IDE: variants seen among roughly 807,000 people sequenced by gnomAD.
IDE encodes insulin-degrading enzyme.
IDE carries 58 observed loss-of-function variants against 133.2 expected under a neutral mutation model. The observed-to-expected ratio is 0.44, with a 90% CI of 0.35 to 0.54. The LOEUF (loss-of-function observed/expected upper bound fraction) is 0.54, where lower values mean the gene tolerates loss of function less well. IDE is among the 20% of genes least tolerant of loss of function. IDE has a pLI of 0.00. For synonymous variants in IDE, 396 were observed against 421.3 expected, an observed-to-expected ratio of 0.94 and a Z score of 0.73; for missense variants, 981 against 1,234.0, an observed-to-expected ratio of 0.79 and a Z score of 3.07.
chr10:92,510,857 TCA>T (rs910466988), intron 5 of IDE, among the ~76,000 whole-genome samples: 4 of 150,106 alleles, frequency 2.7e-5, no homozygotes, highest in African/African-American at 4.9e-5. Flanking sequence ...ATGATATATA[TCA>T]CATATATATC....
At chr10:92,488,442 T>C (rs556643038) in intron 12 of IDE, among the ~76,000 whole-genome samples, 4 of 152,196 alleles carry the variant, frequency 2.6e-5, no homozygotes, top group South Asian at 2.1e-4. Context: ...CAGATGATCA[T>C]GTGAACTTTT....
chr10:92,475,088 C>T, intron 16 of IDE, 127 bp from the exon 17 acceptor site: 2 of 688,922 alleles, frequency 2.9e-6, no homozygotes, highest in Non-Finnish European at 2.4e-6. Context: ...TTTCCCCTTT[C>T]TGAAGTTATA....
At chr10:92,549,220 G>C (rs1842671875) in intron 1 of IDE, among the ~76,000 whole-genome samples, 1 of 151,764 alleles carries the variant, frequency 6.6e-6, no homozygotes, top group African/African-American at 2.4e-5. Flanking sequence ...CTGTGCCACT[G>C]CACTCCAGCC....
At chr10:92,518,588 T>C (rs1379892679) in intron 4 of IDE, among the ~76,000 whole-genome samples, 2 of 152,164 alleles carry the variant, frequency 1.3e-5, no homozygotes, top group African/African-American at 2.4e-5. Flanking sequence ...GATATATGTA[T>C]CCAGAGAAGT....
rs1025428384 is a variant in IDE at position 92,505,729 on chromosome 10, T to C, written c.1326+713A>G. Among the ~76,000 whole-genome samples the C allele has an allele frequency of 8.5e-5, 13 of 152,148 alleles. No individual in the cohort carries two copies. The East Asian group carries it at 9.6e-4, about 11-fold the overall frequency. ...AGTGGAGACTGAAATGATAAGAACC[T>C]AGCCAGGCAAAGATCAGATAGAACA... On this transcript the variant is annotated intron_variant, in intron 10 of 24. Coordinates refer to ENST00000265986, the MANE Select transcript of IDE (RefSeq NM_004969.4).
At chr10:92,521,711 T>C (rs1397301831) in intron 4 of IDE, among the ~76,000 whole-genome samples, 1 of 151,744 alleles carries the variant, frequency 6.6e-6, no homozygotes, top group Non-Finnish European at 1.5e-5. Flanking sequence ...ATAATAATAA[T>C]GAAAGACATA....
chr10:92,476,622 T>C (rs1244643013), intron 15 of IDE, among the ~76,000 whole-genome samples: 3 of 152,124 alleles, frequency 2.0e-5, no homozygotes, highest in African/African-American at 4.8e-5. Context: ...CCACAGTGCC[T>C]GGCCATTAAC....
At chr10:92,483,498 T>C (rs1396966473) in intron 13 of IDE, among the ~76,000 whole-genome samples, 161 bp from the exon 14 acceptor site, 1 of 152,196 alleles carries the variant, frequency 6.6e-6, no homozygotes, top group Non-Finnish European at 1.5e-5. Context: ...AGTCAGCAGG[T>C]AGGAAGCTGG....
intron 4 of IDE, among the ~76,000 whole-genome samples, chr10:92,521,911 A>G (rs1849245464): frequency 6.6e-6 from 1 of 152,148 alleles, no homozygotes; most frequent in African/African-American, 2.4e-5. Flanking sequence ...TGAAATATTT[A>G]TGAGCAAAAT....
chr10:92,487,822 A>G (rs1184264129), intron 12 of IDE, among the ~76,000 whole-genome samples: 1 of 152,200 alleles, frequency 6.6e-6, no homozygotes, highest in Non-Finnish European at 1.5e-5. Flanking sequence ...TTCCTGAGAC[A>G]GTCTTGCTCT....
rs568467745 is a variant in IDE at position 92,533,490 on chromosome 10, G to A, written c.491+1088C>T. Among the ~76,000 whole-genome samples, 5 of 152,048 alleles carry A rather than the reference G, an allele frequency of 3.3e-5. No individual in the cohort carries two copies. The East Asian group carries it at 5.8e-4, about 18-fold the overall frequency. ...TTATTAAAAGTAAGCAAATAAAGCC[G>A]ACAGTGACTAAAACTGCCAAATTTC... On this transcript the variant is annotated intron_variant, in intron 3 of 24. Coordinates refer to ENST00000265986, the MANE Select transcript of IDE (RefSeq NM_004969.4).
At chr10:92,547,026 G>A (rs1430827189) in intron 1 of IDE, among the ~76,000 whole-genome samples, 1 of 152,148 alleles carries the variant, frequency 6.6e-6, no homozygotes, top group Non-Finnish European at 1.5e-5. Flanking sequence ...TCCCACAGAT[G>A]CTTCATGAAC....
intron 11 of IDE, among the ~76,000 whole-genome samples, chr10:92,493,658 C>T (rs1393956816): frequency 2.6e-5 from 4 of 151,180 alleles, no homozygotes. Context: ...TAGCTATATA[C>T]CAAAGTGAGG....
rs1184664384 is a variant in IDE at position 92,534,676 on chromosome 10, G to C, written c.393C>G (p.Leu131=). 1 of 1,613,350 alleles carries C rather than the reference G, an allele frequency of 6.2e-7. No individual in the cohort carries two copies. The highest frequency in any genetic ancestry group is 1.7e-5 in the Admixed American group (1 of 59,998). ...YPKENEYSQF[L]SEHAGSSNAF... Reference sequence around the variant, plus strand: ...CATTTGAACTTCCTGCATGCTCACTGAGAAACTGGCTGTATTCATTTTCTT... The same window carrying C: ...CATTTGAACTTCCTGCATGCTCACTCAGAAACTGGCTGTATTCATTTTCTT... The change falls in exon 3 of 25, where the codon CTC becomes CTG. Residue 131 remains leucine, a synonymous_variant. Transcript: ENST00000265986.
intron 1 of IDE, among the ~76,000 whole-genome samples, chr10:92,565,676 C>T (rs1843504412): frequency 6.6e-6 from 1 of 152,132 alleles, no homozygotes; most frequent in Admixed American, 6.6e-5. Flanking sequence ...ACTCTATCTT[C>T]AGATTTAGGA....
intron 1 of IDE, among the ~76,000 whole-genome samples, chr10:92,544,232 CAAAA>C (rs377421446): frequency 1.2e-5 from 1 of 85,496 alleles, no homozygotes. Context: ...GACACCATCT[CAAAA>C]AAAAAAAAAA....
chr10:92,565,934 A>C (rs1048826638), intron 1 of IDE, among the ~76,000 whole-genome samples: 6 of 152,152 alleles, frequency 3.9e-5, no homozygotes, highest in South Asian at 2.1e-4. Context: ...ATATCTCGCT[A>C]AGCCACTTAC....
At position 92,452,258 on chromosome 10, in the gene IDE, C is replaced by T. The variant is rs889529282; in HGVS notation, c.*2186G>A. The T allele has an allele frequency of 1.3e-5, 2 of 152,112 alleles. No individual in the cohort carries two copies. The highest frequency in any genetic ancestry group is 4.8e-5 in the African/African-American group (2 of 41,424). 9.4% of individuals were successfully genotyped at this position (152,112 alleles called of 1,614,324 possible). A position where few individuals can be genotyped will look rare whatever the true frequency, so the allele number is the denominator to read the frequency against. The stretch of plus-strand genomic sequence containing the variant: ...GCAGACTCCAGAGGTGAAATTCAGG[C>T]GATTTATTGTAAACAGGATAACCCT... On this transcript the variant is annotated 3_prime_UTR_variant, in exon 25 of 25. Coordinates refer to ENST00000265986, the MANE Select transcript of IDE (RefSeq NM_004969.4).
At chr10:92,465,538 G>A (rs1845638212) in intron 20 of IDE, 138 bp downstream of exon 20, 1 of 718,074 alleles carries the variant, frequency 1.4e-6, no homozygotes, top group African/African-American at 1.8e-5. Flanking sequence ...TGGATTCTCT[G>A]TAATAAGGTT....
Sources: allele counts gnomAD v4.1 joint callset (sites outside exome capture counted in the v4.1 genomes callset), GRCh38; gene constraint gnomAD v4.1.1; transcripts MANE v1.5; gene names NCBI Gene and HGNC (gene_info 2026-07-23, HGNC 2026-07-21).